ATP5F1C: variants seen among roughly 807,000 people sequenced by gnomAD.
ATP5F1C encodes ATP synthase F(1) complex subunit gamma, mitochondrial.
In ATP5F1C, 22 loss-of-function variants were observed where a neutral mutation model predicts 37.4. The ratio of observed to expected loss-of-function variants is 0.59; its 90% CI spans 0.42 to 0.84. The LOEUF is 0.84. ATP5F1C is among the 40% of genes least tolerant of loss of function. The pLI is 0.00. For synonymous variants in ATP5F1C, 121 were observed against 128.0 expected, an observed-to-expected ratio of 0.95 and a Z score of 0.37; for missense variants, 286 against 362.4, an observed-to-expected ratio of 0.79 and a Z score of 1.71.
At chr10:7,788,312 CT>C in intron 1 of ATP5F1C, 49 bp downstream of exon 1, 1 of 1,603,380 alleles carries the variant, frequency 6.2e-7, no homozygotes, top group Non-Finnish European at 8.5e-7. Flanking sequence ...GATGGAAGAG[CT>C]TGGGCACGGG....
intron 1 of ATP5F1C, among the ~76,000 whole-genome samples, chr10:7,795,057 G>A (rs1391026723): frequency 1.3e-5 from 2 of 152,128 alleles, no homozygotes; most frequent in Admixed American, 1.3e-4. Flanking sequence ...ATACTTTGCT[G>A]AAATACTAAA....
At chr10:7,799,333 G>T in intron 4 of ATP5F1C, 139 bp downstream of exon 4, 1 of 720,832 alleles carries the variant, frequency 1.4e-6, no homozygotes, top group Non-Finnish European at 2.3e-6. Flanking sequence ...TATTCACAAG[G>T]GGGTGTTTGT....
At chr10:7,791,682 A>G (rs1346491341) in intron 1 of ATP5F1C, among the ~76,000 whole-genome samples, 1 of 152,198 alleles carries the variant, frequency 6.6e-6, no homozygotes, top group Non-Finnish European at 1.5e-5. Context: ...TCAGAGCTTT[A>G]TCTCCTCATT....
intron 1 of ATP5F1C, among the ~76,000 whole-genome samples, chr10:7,789,817 A>T (rs1225639076): frequency 6.6e-6 from 1 of 152,258 alleles, no homozygotes; most frequent in African/African-American, 2.4e-5. Flanking sequence ...AAATTTTAGA[A>T]ATATCTTTTT....
rs3839916 is a variant in ATP5F1C, at chr10:7,795,183, CAT to C, written c.57-937_57-936del. Among the ~76,000 whole-genome samples the C allele has an allele frequency of 5.9e-3, 906 of 152,286 alleles. 7 individuals carry two copies. The highest frequency in any genetic ancestry group is 0.023 in the South Asian group (113 of 4,820). ...ATTATTTAAAGTAACAAACCCAACTCATGTGTCCAGTTTCCCCTTCTCCATTT... is the reference window on the plus strand; with the variant it reads ...ATTATTTAAAGTAACAAACCCAACTCGTGTCCAGTTTCCCCTTCTCCATTT... On this transcript the variant is annotated intron_variant, in intron 1 of 9. Coordinates refer to ENST00000356708, the MANE Select transcript of ATP5F1C (RefSeq NM_001001973.3).
chr10:7,793,621 A>G (rs79398142), intron 1 of ATP5F1C, among the ~76,000 whole-genome samples: 3,701 of 152,268 alleles, frequency 0.024, 194 homozygotes, highest in East Asian at 0.23. Flanking sequence ...GAAGTTCTAA[A>G]TTTCAATAAA....
intron 1 of ATP5F1C, among the ~76,000 whole-genome samples, chr10:7,790,491 C>G (rs1278246449): frequency 6.6e-6 from 1 of 152,124 alleles, no homozygotes; most frequent in Non-Finnish European, 1.5e-5. Context: ...ATTTCTATTT[C>G]TTAGAGTTCA....
intron 6 of ATP5F1C, 136 bp downstream of exon 6, chr10:7,800,227 T>C: frequency 1.1e-6 from 1 of 925,494 alleles, no homozygotes; most frequent in East Asian, 2.5e-5. Flanking sequence ...AGATGGAATC[T>C]TGCTGCCTCC....
chr10:7,802,565 T>G, intron 7 of ATP5F1C, 140 bp downstream of exon 7: 1 of 1,153,750 alleles, frequency 8.7e-7, no homozygotes, highest in South Asian at 1.6e-5. Flanking sequence ...TATATCTTGA[T>G]AGGTAGTTGA....
intron 3 of ATP5F1C, among the ~76,000 whole-genome samples, chr10:7,798,744 C>A (rs184157766): frequency 6.6e-6 from 1 of 151,838 alleles, no homozygotes; most frequent in Non-Finnish European, 1.5e-5. Flanking sequence ...TTGGCCAGGC[C>A]GGTCTCAAAC....
chr10:7,791,689 C>T (rs1053869698), intron 1 of ATP5F1C, among the ~76,000 whole-genome samples: 2 of 152,172 alleles, frequency 1.3e-5, no homozygotes, highest in African/African-American at 4.8e-5. Context: ...TTTATCTCCT[C>T]ATTTGCAAAA....
intron 3 of ATP5F1C, 106 bp downstream of exon 3, chr10:7,797,284 A>G (rs1029984734): frequency 5.7e-6 from 8 of 1,410,794 alleles, no homozygotes; most frequent in Non-Finnish European, 7.7e-6. Flanking sequence ...CTATCTGAGC[A>G]CTTGCCATGT....
At position 7,799,927 on chromosome 10, in the gene ATP5F1C, T is replaced by A. The variant is rs1260700131; in HGVS notation, c.572+12T>A. The A allele has an allele frequency of 6.2e-7, 1 of 1,607,960 alleles. No individual in the cohort carries two copies. The highest frequency in any genetic ancestry group is 8.5e-7 in the Non-Finnish European group (1 of 1,177,566). Reference sequence around the variant, plus strand: ...TTTAATAAATTCAGGCAAGACAGATTTAGAAATCAAAGCTTTTTTATGTTC... The same window carrying A: ...TTTAATAAATTCAGGCAAGACAGATATAGAAATCAAAGCTTTTTTATGTTC... On this transcript the variant is annotated intron_variant, in intron 5 of 9. Coordinates refer to ENST00000356708, the MANE Select transcript of ATP5F1C (RefSeq NM_001001973.3).
At chr10:7,802,613 T>A in intron 7 of ATP5F1C, 145 bp from the exon 8 acceptor site, 1 of 1,091,770 alleles carries the variant, frequency 9.2e-7, no homozygotes, top group Non-Finnish European at 1.3e-6. Context: ...ATGGAAGATG[T>A]AAAAATATCT....
intron 1 of ATP5F1C, among the ~76,000 whole-genome samples, chr10:7,789,741 T>TTAGTTTCTAAGTTGATCTTTAAA: frequency 6.6e-6 from 1 of 152,358 alleles, no homozygotes; most frequent in East Asian, 1.9e-4. Flanking sequence ...TTTTACAACC[T>TTAGTTTCTAAGTTGATCTTTAAA]TAGTTTCTAA....
intron 9 of ATP5F1C, among the ~76,000 whole-genome samples, 182 bp downstream of exon 9, chr10:7,807,192 T>C (rs1213673433): frequency 6.6e-6 from 1 of 152,200 alleles, no homozygotes; most frequent in Non-Finnish European, 1.5e-5. Flanking sequence ...GTAGTGAGTG[T>C]GTTGATCATA....
At chr10:7,797,343 G>A (rs1398144135) in intron 3 of ATP5F1C, among the ~76,000 whole-genome samples, 165 bp downstream of exon 3, 1 of 152,172 alleles carries the variant, frequency 6.6e-6, no homozygotes, top group Non-Finnish European at 1.5e-5. Context: ...AACAACCCGT[G>A]TAGGTAGTAC....
At chr10:7,803,696 A>G (rs909539418) in intron 8 of ATP5F1C, among the ~76,000 whole-genome samples, 1 of 152,210 alleles carries the variant, frequency 6.6e-6, no homozygotes, top group African/African-American at 2.4e-5. Context: ...AATACCCACT[A>G]TGTGCACAGT....
At chr10:7,798,563 C>A (rs190128128) in intron 3 of ATP5F1C, among the ~76,000 whole-genome samples, 1 of 152,188 alleles carries the variant, frequency 6.6e-6, no homozygotes, top group South Asian at 2.1e-4. Context: ...CCCGCCACCA[C>A]GCCTGGCTAA....
Sources: allele counts gnomAD v4.1 joint callset (sites outside exome capture counted in the v4.1 genomes callset), GRCh38; gene constraint gnomAD v4.1.1; transcripts MANE v1.5; gene names NCBI Gene and HGNC (gene_info 2026-07-23, HGNC 2026-07-21).